The following ETF1 variants were observed in gnomAD, a reference collection of about 807,000 sequenced individuals.
ETF1 encodes the protein eukaryotic peptide chain release factor subunit 1.
A neutral mutation model predicts 55.1 loss-of-function variants in ETF1; 4 were observed. That is an observed-to-expected ratio of 0.07 (90% CI 0.04 to 0.17). The LOEUF (loss-of-function observed/expected upper bound fraction) is 0.17. ETF1 is among the 10% of genes least tolerant of loss of function. The probability of loss-of-function intolerance (pLI) is 1.00; values close to 1 mark genes in which losing one functional copy is unlikely to be tolerated. For missense variants in ETF1, 142 were observed against 523.6 expected (o/e 0.27, Z 7.11); for synonymous variants, 157 against 182.3 (o/e 0.86, Z 1.12).
At chr5:138,535,152 T>C (rs1257176321) in intron 2 of ETF1, among the ~76,000 whole-genome samples, 2 of 151,734 alleles carry the variant, frequency 1.3e-5, no homozygotes, top group Non-Finnish European at 2.9e-5. Flanking sequence ...GTTTTCACCA[T>C]GTTGGCCAGG....
At chr5:138,539,127 T>TA (rs1329750751) in intron 2 of ETF1, among the ~76,000 whole-genome samples, 1 of 152,182 alleles carries the variant, frequency 6.6e-6, no homozygotes, top group Non-Finnish European at 1.5e-5. Flanking sequence ...AAGAAACACA[T>TA]AAGGTTTCCT....
In ETF1 at chr5:138,510,644, G is replaced by A. The variant is rs765389836; in HGVS notation, c.1019-15C>T. On this transcript the variant is annotated splice_polypyrimidine_tract_variant and intron_variant, in intron 8 of 10. Coordinates refer to ENST00000360541, the MANE Select transcript of ETF1 (RefSeq NM_004730.4). ...AATTTTCTCCTCTGTAGTATTAGGA[G>A]GAAAAAATGTGTTAACCTGGCTCTC... 1.7e-5 allele frequency: 27 copies of A among 1,612,040 alleles called. 1 individual carries two copies. The Middle Eastern group carries it at 3.8e-3, about 227-fold the overall frequency.
At chr5:138,526,965 A>G (rs1765498608) in intron 2 of ETF1, among the ~76,000 whole-genome samples, 2 of 151,792 alleles carry the variant, frequency 1.3e-5, no homozygotes, top group South Asian at 4.2e-4. Flanking sequence ...CTCCCAAAGT[A>G]CTGGGATTAC....
Position 138,538,415 on chromosome 5 carries a change from C to T in ETF1, c.86+4418G>A, listed in dbSNP as rs181906557. On this transcript the variant is annotated intron_variant, in intron 2 of 10. Coordinates refer to ENST00000360541, the MANE Select transcript of ETF1 (RefSeq NM_004730.4). ...ATGTTGGCTAGGCTGGTCTTGAACT[C>T]CTGACCTCAAGTGATCCACCCACCT... Among the ~76,000 whole-genome samples the T allele has an allele frequency of 9.2e-5, 14 of 152,218 alleles. No homozygotes were observed. The South Asian group carries it at 1.9e-3, about 20-fold the overall frequency.
At chr5:138,517,386 A>G (rs913046979) in intron 4 of ETF1, among the ~76,000 whole-genome samples, 175 bp downstream of exon 4, 11 of 151,656 alleles carry the variant, frequency 7.3e-5, no homozygotes, top group African/African-American at 2.4e-4. Flanking sequence ...AAAATAAAAA[A>G]ATAAAAATAA....
chr5:138,543,024 C>A, intron 1 of ETF1, 73 bp downstream of exon 1: 1 of 1,191,560 alleles, frequency 8.4e-7, no homozygotes, highest in African/African-American at 1.5e-5. Flanking sequence ...CTCGCCATCC[C>A]CCAGAGGCCC....
chr5:138,524,331 T>C (rs1342636146), intron 2 of ETF1, among the ~76,000 whole-genome samples: 1 of 151,562 alleles, frequency 6.6e-6, no homozygotes, highest in African/African-American at 2.4e-5. Flanking sequence ...CCAGACTGGG[T>C]GACAGACCGA....
At chr5:138,518,369 C>A (rs1028368036) in intron 3 of ETF1, among the ~76,000 whole-genome samples, 9 of 151,988 alleles carry the variant, frequency 5.9e-5, no homozygotes, top group Non-Finnish European at 1.3e-4. Flanking sequence ...TGCCACCAGG[C>A]CTGGCTAACT....
At chr5:138,525,838 T>G (rs139524187) in intron 2 of ETF1, among the ~76,000 whole-genome samples, 1 of 151,432 alleles carries the variant, frequency 6.6e-6, no homozygotes, top group African/African-American at 2.4e-5. Flanking sequence ...CCCAGCTACT[T>G]TGAAGGCTGA....
In ETF1 at chr5:138,534,375, T is replaced by C. The variant is rs1325067263; in HGVS notation, c.86+8458A>G. 9.2e-5 allele frequency among the ~76,000 whole-genome samples: 14 copies of C among 152,336 alleles called. No individual in the cohort carries two copies. The East Asian group carries it at 2.5e-3, about 27-fold the overall frequency. On this transcript the variant is annotated intron_variant, in intron 2 of 10. Transcript: ENST00000360541. The stretch of plus-strand genomic sequence containing the variant: ...TTCCACCAGGAAGCAGCTTTGAAGC[T>C]GGAAAATTTCTCTAGTGTTCTTACA...
intron 2 of ETF1, among the ~76,000 whole-genome samples, chr5:138,534,669 A>G (rs1471398158): frequency 6.6e-6 from 1 of 152,240 alleles, no homozygotes; most frequent in East Asian, 1.9e-4. Flanking sequence ...CATGGACAAG[A>G]GTCTTCCTTT....
chr5:138,508,159 T>C lies in ETF1; in HGVS notation c.*146A>G. On this transcript the variant is annotated 3_prime_UTR_variant, in exon 11 of 11. Transcript: ENST00000360541. ...GGCTGGGTCTGGTTTTGTTTCGGTT[T>C]TCTTTTCAATATCCAATGCTCATGG... The C allele has an allele frequency of 9.4e-7, 1 of 1,061,422 alleles. No homozygotes were observed. The highest frequency in any genetic ancestry group is 1.3e-6 in the Non-Finnish European group (1 of 762,216). The allele number at this position is 1,061,422 out of a possible 1,614,324, so 65.8% of individuals were successfully genotyped here.
intron 3 of ETF1, 53 bp from the exon 4 acceptor site, chr5:138,517,753 C>A: frequency 7.3e-7 from 1 of 1,363,288 alleles, no homozygotes; most frequent in Non-Finnish European, 9.6e-7. Flanking sequence ...AGTTTTTCGT[C>A]AATTAATAGA....
At chr5:138,530,157 A>G (rs1254191038) in intron 2 of ETF1, among the ~76,000 whole-genome samples, 1 of 151,850 alleles carries the variant, frequency 6.6e-6, no homozygotes, top group Non-Finnish European at 1.5e-5. Context: ...AAGCAAAATA[A>G]AAGAATACAT....
At chr5:138,509,296 C>T (rs1764671351) in intron 9 of ETF1, 1 of 391,790 alleles carries the variant, frequency 2.6e-6, no homozygotes. Flanking sequence ...TAGAGCAAAC[C>T]AGAGAAGCCA....
intron 2 of ETF1, among the ~76,000 whole-genome samples, chr5:138,533,930 G>A (rs772560925): frequency 6.6e-6 from 1 of 152,134 alleles, no homozygotes; most frequent in Non-Finnish European, 1.5e-5. Context: ...CATCTATGAG[G>A]CATGTTAGGA....
At chr5:138,509,871 G>A (rs1313214463) in intron 9 of ETF1, among the ~76,000 whole-genome samples, 1 of 133,650 alleles carries the variant, frequency 7.5e-6, no homozygotes, top group Non-Finnish European at 1.5e-5. Flanking sequence ...CTCCAGCCTG[G>A]GTGACAAGAG....
chr5:138,529,715 C>G, intron 2 of ETF1: 1 of 984,356 alleles, frequency 1.0e-6, no homozygotes, highest in Non-Finnish European at 1.2e-6. Flanking sequence ...GGAATTGTAA[C>G]AGAACTAAAC....
At chr5:138,522,098 G>T (rs1227061060) in intron 2 of ETF1, among the ~76,000 whole-genome samples, 1 of 123,158 alleles carries the variant, frequency 8.1e-6, no homozygotes. Flanking sequence ...CCATTCTCTT[G>T]TTTTTTGTTT....
Sources: allele counts gnomAD v4.1 joint callset (sites outside exome capture counted in the v4.1 genomes callset), GRCh38; gene constraint gnomAD v4.1.1; transcripts MANE v1.5; gene names NCBI Gene and HGNC (gene_info 2026-07-23, HGNC 2026-07-21).